The following SYCP1 variants were observed in gnomAD, a reference collection of about 807,000 sequenced individuals.
SYCP1 encodes cancer/testis antigen 8.
SYCP1 carries 64 observed loss-of-function variants against 153.1 expected under a neutral mutation model. The ratio of observed to expected loss-of-function variants is 0.42; its 90% confidence interval spans 0.34 to 0.51. The LOEUF is 0.51. SYCP1 is among the 20% of genes least tolerant of loss of function. The pLI, the probability that SYCP1 is intolerant of heterozygous loss-of-function variation, is 0.06. For synonymous variants in SYCP1, 384 were observed against 341.8 expected, an observed-to-expected ratio of 1.12 and a Z score of -1.36; for missense variants, 997 against 1,049.0, an observed-to-expected ratio of 0.95 and a Z score of 0.68.
chr1:114,857,094 G>A, intron 3 of SYCP1, 138 bp from the exon 4 acceptor site: 1 of 615,362 alleles, frequency 1.6e-6, no homozygotes, highest in Non-Finnish European at 2.5e-6. Context: ...ATGGGTCACT[G>A]CCCTCTAGTC....
chr1:114,967,003 C>T (rs1570883059), intron 27 of SYCP1, among the ~76,000 whole-genome samples: 1 of 152,076 alleles, frequency 6.6e-6, no homozygotes, highest in Admixed American at 6.6e-5. Flanking sequence ...GTTTCTTAAT[C>T]CTGAGTTCTA....
intron 30 of SYCP1, among the ~76,000 whole-genome samples, chr1:114,989,517 CATT>C (rs1303219799): frequency 6.6e-6 from 1 of 151,844 alleles, no homozygotes; most frequent in African/African-American, 2.4e-5. Context: ...CCTTATAGAT[CATT>C]ACTTTAAATG....
At position 114,927,256 on chromosome 1, in the gene SYCP1, C is replaced by A. The variant is rs531957600; in HGVS notation, c.1926+693C>A. On this transcript the variant is annotated intron_variant, in intron 23 of 31. Coordinates refer to ENST00000369522, the MANE Select transcript of SYCP1 (RefSeq NM_003176.4). ...ATATTCTATATAAAAGTAGCAGATT[C>A]ATATATCTTATAATTCAGCTCTTCT... 3.9e-5 allele frequency among the ~76,000 whole-genome samples: 6 copies of A among 152,030 alleles called. No individual in the cohort carries two copies. The South Asian group carries it at 1.2e-3, about 32-fold the overall frequency.
At chr1:114,895,094 T>G (rs1666970374) in intron 15 of SYCP1, among the ~76,000 whole-genome samples, 1 of 152,074 alleles carries the variant, frequency 6.6e-6, no homozygotes, top group African/African-American at 2.4e-5. Context: ...TCACTTCTTT[T>G]AAGTTTGGAG....
At chr1:114,991,103 C>A (rs182100987) in intron 30 of SYCP1, among the ~76,000 whole-genome samples, 15 of 151,878 alleles carry the variant, frequency 9.9e-5, no homozygotes, top group African/African-American at 3.4e-4. Flanking sequence ...TGGCACAGGG[C>A]AAATGATCAA....
intron 21 of SYCP1, 137 bp from the exon 22 acceptor site, chr1:114,926,141 A>T (rs942192622): frequency 1.6e-5 from 10 of 622,142 alleles, no homozygotes; most frequent in Non-Finnish European, 1.8e-5. Context: ...TTTTAGTATA[A>T]TTTTTATATT....
At chr1:114,898,597 G>A (rs914921719) in intron 16 of SYCP1, among the ~76,000 whole-genome samples, 1 of 152,050 alleles carries the variant, frequency 6.6e-6, no homozygotes, top group Non-Finnish European at 1.5e-5. Flanking sequence ...CAACTAATGA[G>A]TTTAGAAAGT....
intron 23 of SYCP1, among the ~76,000 whole-genome samples, chr1:114,934,698 A>T (rs988114676): frequency 6.6e-6 from 1 of 152,174 alleles, no homozygotes; most frequent in Non-Finnish European, 1.5e-5. Context: ...GATCAGAATA[A>T]AGGGGTGGAG....
Position 114,859,809 on chromosome 1 carries a change from G to A in SYCP1, c.523G>A (p.Glu175Lys), listed in dbSNP as rs1418091608. The change falls in exon 7 of 32, where the codon GAG becomes AAG. Residue 175 changes from glutamate to lysine, a missense_variant and splice_region_variant. Glu to Lys is a moderately conservative substitution (Grantham distance 56, BLOSUM62 1). This residue lies in a region of SYCP1 where 285 missense variants were observed against 366.1 expected (regional missense o/e 0.78). Transcript: ENST00000369522. ...ACAAGAAAATAAAGATTTAATAAAA[G>A]AGTAAGTAGTAATTTAATGAATTTG... ...GIQENKDLIK[E>K]NNATRHLCNL... The A allele has an allele frequency of 1.4e-6, 1 of 702,696 alleles. No individual in the cohort carries two copies. The highest frequency in any genetic ancestry group is 2.1e-6 in the Non-Finnish European group (1 of 485,254). 43.5% of individuals were successfully genotyped at this position (702,696 alleles called of 1,614,324 possible). A position where few individuals can be genotyped will look rare whatever the true frequency, so the allele number is the denominator to read the frequency against.
At chr1:114,890,509 T>C (rs995853033) in intron 15 of SYCP1, among the ~76,000 whole-genome samples, 2 of 152,076 alleles carry the variant, frequency 1.3e-5, no homozygotes, top group African/African-American at 2.4e-5. Flanking sequence ...TTAATACTGA[T>C]ACCAAGAGGA....
intron 27 of SYCP1, among the ~76,000 whole-genome samples, chr1:114,948,025 G>A (rs1473451443): frequency 6.6e-6 from 1 of 151,260 alleles, no homozygotes; most frequent in African/African-American, 2.4e-5. Flanking sequence ...GTCGTTTAAC[G>A]TTAGGTATAT....
At chr1:114,971,850 C>T (rs1435202914) in intron 27 of SYCP1, among the ~76,000 whole-genome samples, 1 of 152,080 alleles carries the variant, frequency 6.6e-6, no homozygotes, top group African/African-American at 2.4e-5. Flanking sequence ...CATCAATGTT[C>T]ATCCGGGATA....
At chr1:114,929,848 C>CAT (rs1460369572) in intron 23 of SYCP1, among the ~76,000 whole-genome samples, 1 of 151,898 alleles carries the variant, frequency 6.6e-6, no homozygotes. Context: ...TATTAACTAC[C>CAT]TTGATTTAAA....
chr1:114,984,759 T>C lies in SYCP1; in HGVS notation c.2594T>C (p.Leu865Pro). 5 of 1,497,568 alleles carry C rather than the reference T, an allele frequency of 3.3e-6. No homozygotes were observed. Among genetic ancestry groups the C allele is most frequent in the Non-Finnish European group, 4.4e-6 (5 of 1,127,990 alleles). 92.8% of individuals were successfully genotyped at this position (1,497,568 alleles called of 1,614,324 possible). Residue 865 changes from leucine (L) to proline (P), a missense_variant, in exon 30 of 32, where the codon CTA (leucine) becomes CCA (proline). Physicochemically the swap from Leu to Pro is moderately conservative, Grantham distance 98. Transcript: ENST00000369522. ...GTGAAGACACCAACAAAACCAAAAC[T>C]ACAGCAAAGAGAAAACTTGAATATA... ...YTVKTPTKPK[L>P]QQRENLNIPI...
intron 27 of SYCP1, among the ~76,000 whole-genome samples, chr1:114,965,237 T>G (rs1159003926): frequency 1.3e-5 from 2 of 152,348 alleles, no homozygotes; most frequent in Non-Finnish European, 1.5e-5. Flanking sequence ...AAGTTGCTTA[T>G]CAGCTTAAGG....
At chr1:114,981,634 T>A in intron 29 of SYCP1, 122 bp downstream of exon 29, 1 of 907,744 alleles carries the variant, frequency 1.1e-6, no homozygotes, top group Non-Finnish European at 1.6e-6. Context: ...GTTTCAATTT[T>A]TTTTGTGGTA....
At position 114,923,665 on chromosome 1, in the gene SYCP1, A is replaced by C; in HGVS notation, c.1800+135A>C. 4 of 853,988 alleles carry C rather than the reference A, an allele frequency of 4.7e-6. No homozygotes were observed. In the South Asian group the frequency reaches 9.2e-5, roughly 20 times the overall value. 52.9% of individuals were successfully genotyped at this position (853,988 alleles called of 1,614,324 possible). A position where few individuals can be genotyped will look rare whatever the true frequency, so the allele number is the denominator to read the frequency against. On this transcript the variant is annotated intron_variant, in intron 21 of 31. Transcript: ENST00000369522. ...ATCTAGAGACTGTCATCAGCCATCAACCTTAAATATCTAGGAAAGGTTGGA... is the reference window on the plus strand; with the variant it reads ...ATCTAGAGACTGTCATCAGCCATCACCCTTAAATATCTAGGAAAGGTTGGA...
chr1:114,857,300 A>T, intron 4 of SYCP1, 25 bp downstream of exon 4: 3 of 1,594,246 alleles, frequency 1.9e-6, no homozygotes, highest in Non-Finnish European at 2.6e-6. Context: ...GTACATGTAG[A>T]TATAATCTGT....
chr1:114,986,658 A>G (rs544853866), intron 30 of SYCP1, among the ~76,000 whole-genome samples: 6 of 152,130 alleles, frequency 3.9e-5, no homozygotes, highest in South Asian at 2.1e-4. Context: ...TAAATTTTGA[A>G]CATTCAAATT....
Sources: allele counts gnomAD v4.1 joint callset (sites outside exome capture counted in the v4.1 genomes callset), GRCh38; gene constraint gnomAD v4.1.1; regional missense constraint gnomAD v4.1.1; transcripts MANE v1.5; gene names NCBI Gene and HGNC (gene_info 2026-07-23, HGNC 2026-07-21).